The following ST7L variants were observed in gnomAD, a reference collection of about 807,000 sequenced individuals.
ST7L encodes the protein suppression of tumorigenicity 7 like.
A neutral mutation model predicts 72.5 loss-of-function variants in ST7L; 57 were observed. The ratio of observed to expected loss-of-function variants is 0.79; its 90% CI spans 0.64 to 0.98. The LOEUF is 0.98. Ranked by LOEUF, ST7L falls within the 50% of genes least tolerant of loss-of-function variation. The pLI is 0.00. For missense variants in ST7L, 576 were observed against 672.2 expected, an observed-to-expected ratio of 0.86 and a Z score of 1.58; for synonymous variants, 221 against 240.9, an observed-to-expected ratio of 0.92 and a Z score of 0.77.
intron 14 of ST7L, chr1:112,526,978 G>A (rs1653547211): frequency 6.6e-6 from 1 of 152,200 alleles, no homozygotes; most frequent in Non-Finnish European, 1.5e-5. Context: ...AGAAACCCAT[G>A]AGATGAGGCA....
chr1:112,524,734 C>T lies in ST7L; in HGVS notation c.*1279G>A, dbSNP rs1182862771. On this transcript the variant is annotated 3_prime_UTR_variant, in exon 15 of 15. Transcript: ENST00000358039. ...TTCACTCTTTGCCCTCCCTGTCAGC[C>T]TGAGCACAACCATGAGGTTACACAC... is the stretch of plus-strand genomic sequence containing the variant. 6.6e-6 allele frequency: 1 copy of T among 152,076 alleles called. No individual in the cohort carries two copies. The highest frequency in any genetic ancestry group is 1.5e-5 in the Non-Finnish European group (1 of 68,044). The allele number at this position is 152,076 out of a possible 1,614,324, so 9.4% of individuals were successfully genotyped here.
chr1:112,569,060 A>C (rs991144811), intron 11 of ST7L, among the ~76,000 whole-genome samples: 2 of 151,988 alleles, frequency 1.3e-5, no homozygotes, highest in African/African-American at 4.8e-5. Flanking sequence ...ATAATAAAAA[A>C]GACAGATAAT....
intron 13 of ST7L, among the ~76,000 whole-genome samples, chr1:112,546,573 A>C (rs1449687153): frequency 6.6e-6 from 1 of 152,150 alleles, no homozygotes; most frequent in Non-Finnish European, 1.5e-5. Context: ...GGAAAGTAAG[A>C]ATAGGAAAGA....
chr1:112,577,124 C>T (rs779225774), intron 10 of ST7L, 36 bp from the exon 11 acceptor site: 3 of 1,401,192 alleles, frequency 2.1e-6, no homozygotes, highest in Non-Finnish European at 2.9e-6. Flanking sequence ...AATAAATATG[C>T]TAAAAAAAAG....
At chr1:112,570,572 C>CACAT in intron 11 of ST7L, among the ~76,000 whole-genome samples, 1 of 120,628 alleles carries the variant, frequency 8.3e-6, no homozygotes, top group African/African-American at 3.2e-5. Context: ...TATATATATA[C>CACAT]ACACACACAT....
At chr1:112,540,434 G>C (rs1655922281) in intron 14 of ST7L, 1 of 985,444 alleles carries the variant, frequency 1.0e-6, no homozygotes, top group Admixed American at 6.1e-5. Context: ...ACAGTTATGA[G>C]TATGATCACT....
At chr1:112,602,270 CA>C (rs1186591921) in intron 3 of ST7L, among the ~76,000 whole-genome samples, 1 of 152,152 alleles carries the variant, frequency 6.6e-6, no homozygotes, top group Non-Finnish European at 1.5e-5. Context: ...CATGGAACTG[CA>C]AAGTAACAAT....
rs969135089 is a variant in ST7L at position 112,525,294 on chromosome 1, T to C, written c.*719A>G. 6.6e-6 allele frequency: 1 copy of C among 152,314 alleles called. No individual in the cohort carries two copies. The highest frequency in any genetic ancestry group is 1.5e-5 in the Non-Finnish European group (1 of 68,020). 9.4% of individuals were successfully genotyped at this position (152,314 alleles called of 1,614,324 possible). On this transcript the variant is annotated 3_prime_UTR_variant, in exon 15 of 15. Transcript: ENST00000358039. ...GAGAGAAGCACTGGAAAAGACCAAG[T>C]GGTGGCTTTATTAGGGTAAATATAT...
chr1:112,540,942 T>A, intron 14 of ST7L: 1 of 947,046 alleles, frequency 1.1e-6, no homozygotes, highest in East Asian at 6.1e-5. Flanking sequence ...AAGGCAATTA[T>A]CTTTGCTAAT....
intron 3 of ST7L, among the ~76,000 whole-genome samples, chr1:112,601,470 C>A (rs917160389): frequency 3.9e-5 from 6 of 152,106 alleles, no homozygotes; most frequent in African/African-American, 1.4e-4. Context: ...TGGTCTCAAT[C>A]TCCTGACCTC....
At chr1:112,568,329 TA>T (rs1366429966) in intron 11 of ST7L, among the ~76,000 whole-genome samples, 5 of 145,652 alleles carry the variant, frequency 3.4e-5, no homozygotes, top group African/African-American at 7.9e-5. Flanking sequence ...ACTGTAATAA[TA>T]TTTTTTTTTT....
intron 14 of ST7L, among the ~76,000 whole-genome samples, chr1:112,531,096 A>T (rs1002181162): frequency 6.6e-6 from 1 of 152,210 alleles, no homozygotes; most frequent in African/African-American, 2.4e-5. Flanking sequence ...TGCCCAAAGA[A>T]CTAAGTAATT....
intron 10 of ST7L, 148 bp from the exon 11 acceptor site, chr1:112,577,236 AAAT>A: frequency 2.1e-6 from 1 of 476,034 alleles, no homozygotes; most frequent in Non-Finnish European, 3.7e-6. Context: ...AAAAAAAAAA[AAAT>A]TAAAGCTGGC....
chr1:112,601,274 C>G (rs6674053), intron 3 of ST7L, among the ~76,000 whole-genome samples: 32,715 of 151,998 alleles, frequency 0.22, 3,729 homozygotes, highest in Non-Finnish European at 0.26. Context: ...GAGACAGAGT[C>G]TCGCTCTGTC....
At chr1:112,558,455 C>T (rs893007365) in intron 11 of ST7L, among the ~76,000 whole-genome samples, 4 of 152,184 alleles carry the variant, frequency 2.6e-5, no homozygotes, top group Non-Finnish European at 4.4e-5. Flanking sequence ...ATGTACTCCT[C>T]ATATTATATC....
intron 2 of ST7L, among the ~76,000 whole-genome samples, chr1:112,614,328 C>G (rs1032229408): frequency 6.6e-6 from 1 of 152,190 alleles, no homozygotes; most frequent in African/African-American, 2.4e-5. Flanking sequence ...GGGATTCTCC[C>G]ACTCCATCCT....
At chr1:112,583,476 T>C (rs1252268040) in intron 7 of ST7L, among the ~76,000 whole-genome samples, 1 of 152,074 alleles carries the variant, frequency 6.6e-6, no homozygotes, top group Non-Finnish European at 1.5e-5. Flanking sequence ...AAAGAAAGAA[T>C]CAATGCCAAG....
intron 6 of ST7L, among the ~76,000 whole-genome samples, chr1:112,586,243 CACA>C (rs958727011): frequency 4.9e-4 from 75 of 152,160 alleles, no homozygotes; most frequent in African/African-American, 1.8e-3. Flanking sequence ...GCCTGGGCAA[CACA>C]ACGAGACCCT....
intron 12 of ST7L, among the ~76,000 whole-genome samples, 158 bp from the exon 13 acceptor site, chr1:112,550,851 A>C (rs1251988652): frequency 6.6e-6 from 1 of 152,140 alleles, no homozygotes; most frequent in Admixed American, 6.5e-5. Flanking sequence ...AATAAGGGGA[A>C]GGATAAGATT....
Sources: allele counts gnomAD v4.1 joint callset (sites outside exome capture counted in the v4.1 genomes callset), GRCh38; gene constraint gnomAD v4.1.1; transcripts MANE v1.5; gene names NCBI Gene and HGNC (gene_info 2026-07-23, HGNC 2026-07-21).